ILDR1: variants seen among roughly 807,000 people sequenced by gnomAD.
ILDR1 encodes the protein immunoglobulin like domain containing receptor 1.
In ILDR1, 56 loss-of-function variants were observed where a neutral mutation model predicts 62.4. The observed-to-expected ratio is 0.90, with a 90% CI of 0.72 to 1.12. The LOEUF is 1.12. ILDR1 is among the 50% of genes most tolerant of loss of function. The probability of loss-of-function intolerance (pLI) is 0.00; values close to 1 mark genes in which losing one functional copy is unlikely to be tolerated. For missense variants in ILDR1, 736 were observed against 710.6 expected (o/e 1.04, Z -0.41); for synonymous variants, 284 against 277.8 (o/e 1.02, Z -0.22).
chr3:122,041,084 G>A, the ILDR1 span, among the ~76,000 whole-genome samples: 1 of 152,152 alleles, frequency 6.6e-6, no homozygotes, highest in Admixed American at 6.5e-5. Flanking sequence ...ATGAACCACT[G>A]ATTTAAAATG....
intron 5 of ILDR1, among the ~76,000 whole-genome samples, chr3:121,999,559 G>A (rs1200587564): frequency 6.6e-6 from 1 of 152,206 alleles, no homozygotes; most frequent in East Asian, 1.9e-4. Context: ...TTGAAAGCAA[G>A]ATCATCTGCT....
rs778078949 is a variant in ILDR1, at chr3:121,993,770, G to A, written c.979C>T (p.Arg327Cys). The change falls in exon 7 of 8, where the codon CGC becomes TGC. Residue 327 changes from arginine (R) to cysteine (C), a missense_variant. Coordinates refer to ENST00000344209, the MANE Select transcript of ILDR1 (RefSeq NM_001199799.2). ...LSSLGSEVVE[R>C]RIIHLPPLIR... ...AGTGGGGGCAGGTGGATGATTCTGCGTTCCACGACCTCAGAGCCCAGGGAG... is the reference window on the plus strand; with the variant it reads ...AGTGGGGGCAGGTGGATGATTCTGCATTCCACGACCTCAGAGCCCAGGGAG... 170 of 1,614,046 alleles carry A rather than the reference G, an allele frequency of 1.1e-4. No homozygotes were observed. The highest frequency in any genetic ancestry group is 1.4e-4 in the Non-Finnish European group (164 of 1,180,028).
the ILDR1 span, among the ~76,000 whole-genome samples, chr3:122,051,507 T>G: frequency 6.6e-6 from 1 of 152,190 alleles, no homozygotes; most frequent in East Asian, 1.9e-4. Flanking sequence ...CTATCCTTAT[T>G]GAATTTCTCA....
chr3:122,001,842 T>G lies in ILDR1; in HGVS notation c.402A>C (p.Glu134Asp). The change falls in exon 4 of 8, where the codon GAA (glutamate) becomes GAC (aspartate). Residue 134 changes from glutamate to aspartate, a missense_variant. Coordinates refer to ENST00000344209, the MANE Select transcript of ILDR1 (RefSeq NM_001199799.2). Reference sequence around the variant, plus strand: ...ACACTCCATGGTCCCACCACATCACTTCATTTATCACGAGATCTGCTCCTA... The same window carrying G: ...ACACTCCATGGTCCCACCACATCACGTCATTTATCACGAGATCTGCTCCTA... ...IQNRADLVIN[E>D]VMWWDHGVYY... The G allele has an allele frequency of 6.2e-7, 1 of 1,613,484 alleles. No homozygotes were observed.
the ILDR1 span, among the ~76,000 whole-genome samples, chr3:122,039,209 T>G: frequency 6.6e-6 from 1 of 151,944 alleles, no homozygotes; most frequent in African/African-American, 2.4e-5. Flanking sequence ...ACCAAGAATT[T>G]GCTAAAATTA....
chr3:122,017,924 A>C (rs1041115023), intron 1 of ILDR1, among the ~76,000 whole-genome samples: 1 of 152,192 alleles, frequency 6.6e-6, no homozygotes, highest in African/African-American at 2.4e-5. Context: ...AAAAATAGGA[A>C]CGCTTTTACA....
chr3:122,010,828 T>G (rs1395004480), intron 1 of ILDR1, among the ~76,000 whole-genome samples: 1 of 152,220 alleles, frequency 6.6e-6, no homozygotes, highest in Non-Finnish European at 1.5e-5. Flanking sequence ...AATAAAATCT[T>G]AGGTTCAACA....
chr3:122,051,954 A>G, the ILDR1 span, among the ~76,000 whole-genome samples: 2 of 151,842 alleles, frequency 1.3e-5, no homozygotes, highest in African/African-American at 2.4e-5. Context: ...TCTGTTGTCT[A>G]TCTTCTATAG....
the ILDR1 span, among the ~76,000 whole-genome samples, chr3:122,049,255 C>G: frequency 6.6e-6 from 1 of 152,064 alleles, no homozygotes; most frequent in East Asian, 1.9e-4. Flanking sequence ...GGTATTATTT[C>G]AATCTTAAAT....
intron 1 of ILDR1, among the ~76,000 whole-genome samples, chr3:122,012,153 C>G (rs2071713520): frequency 6.6e-6 from 1 of 152,134 alleles, no homozygotes; most frequent in Admixed American, 6.5e-5. Context: ...TAAACCTAAC[C>G]ACACTGGGCA....
In ILDR1 at chr3:121,993,175, T is replaced by C. The variant is rs1559869752; in HGVS notation, c.1574A>G (p.Lys525Arg). The C allele has an allele frequency of 1.2e-6, 2 of 1,609,246 alleles. No individual in the cohort carries two copies. The highest frequency in any genetic ancestry group is 1.7e-6 in the Non-Finnish European group (2 of 1,177,860). ...CGAGCGCCTCTCCACACTCCCTTTT[T>C]TCCTGCTATTCTTGCCTGGAGTGAT... Reference protein sequence around the residue: ...LDITPGKNSRKKGSVERRSEK... With the variant: ...LDITPGKNSRRKGSVERRSEK... The change falls in exon 7 of 8, where the codon AAA (lysine) becomes AGA (arginine). Residue 525 changes from lysine to arginine, a missense_variant. Transcript: ENST00000344209.
At chr3:122,049,447 G>A in the ILDR1 span, among the ~76,000 whole-genome samples, 5 of 152,286 alleles carry the variant, frequency 3.3e-5, no homozygotes, top group South Asian at 8.3e-4. Context: ...TTGTCTAGAT[G>A]TTCTAACCTT....
At chr3:122,035,004 G>A in the ILDR1 span, among the ~76,000 whole-genome samples, 1 of 152,188 alleles carries the variant, frequency 6.6e-6, no homozygotes, top group Admixed American at 6.5e-5. Context: ...ATTTTGGTAG[G>A]GACACAGCCA....
At chr3:122,007,218 A>G (rs1337069945) in intron 1 of ILDR1, 57 bp from the exon 2 acceptor site, 2 of 1,612,426 alleles carry the variant, frequency 1.2e-6, no homozygotes, top group African/African-American at 1.3e-5. Context: ...CATGGGTAAG[A>G]AAAACAATGC....
At chr3:122,038,990 G>A in the ILDR1 span, among the ~76,000 whole-genome samples, 1 of 151,702 alleles carries the variant, frequency 6.6e-6, no homozygotes, top group African/African-American at 2.4e-5. Context: ...ATAAAATTTT[G>A]AAAAAATTTT....
At position 121,993,334 on chromosome 3, in the gene ILDR1, A is replaced by G. The variant is rs2071381629; in HGVS notation, c.1415T>C (p.Leu472Ser). Residue 472 changes from leucine to serine, a missense_variant, in exon 7 of 8, where the codon TTG (leucine) becomes TCG (serine). Physicochemically the swap from Leu to Ser is moderately radical, Grantham distance 145. Coordinates refer to ENST00000344209, the MANE Select transcript of ILDR1 (RefSeq NM_001199799.2). ...GCTCCAGGAACTGAGGCCGGAGGGC[A>G]AGGGAGGAGAGTAGCTGCGGTGCCT... ...RRRHRSYSPP[L>S]PSGLSSWSSE... 1.2e-6 allele frequency: 2 copies of G among 1,610,852 alleles called. No homozygotes were observed. The highest frequency in any genetic ancestry group is 2.7e-5 in the African/African-American group (2 of 74,996).
rs3915061 is a variant in ILDR1, at chr3:121,993,958, G to C, written c.791C>G (p.Pro264Arg). The C allele has an allele frequency of 0.28, 451,660 of 1,609,260 alleles. 67,047 individuals are homozygous for C. The highest frequency in any genetic ancestry group is 0.48 in the South Asian group (43,478 of 91,040). Residue 264 changes from proline to arginine, a missense_variant, in exon 7 of 8, where the codon CCG (proline) becomes CGG (arginine). Physicochemically the swap from Pro to Arg is moderately radical, Grantham distance 103 (BLOSUM62 -2). Transcript: ENST00000344209. ...CATTGGCATCTGCGGGAGGCTGGAC[G>C]GCAGGGACAAATCTGAATGGAAACA... ...HPLLQRDLSL[P>R]SSLPQMPMTQ... is the part of the protein sequence containing the mutation.
At chr3:122,048,001 T>A in the ILDR1 span, among the ~76,000 whole-genome samples, 2 of 152,256 alleles carry the variant, frequency 1.3e-5, no homozygotes, top group Admixed American at 1.3e-4. Flanking sequence ...TGAATAGAAG[T>A]GATGAAGTAG....
chr3:121,992,139 A>G (rs1986712), intron 7 of ILDR1, among the ~76,000 whole-genome samples: 31,430 of 152,084 alleles, frequency 0.21, 4,273 homozygotes, highest in Admixed American at 0.36. Flanking sequence ...TGTATTAATT[A>G]TAAATTTTTT....
Sources: gnomAD v4.1 joint callset for allele counts (sites outside exome capture counted in the v4.1 genomes callset) on GRCh38, gnomAD v4.1.1 for gene constraint, MANE v1.5 for transcripts, NCBI Gene and HGNC (gene_info 2026-07-23, HGNC 2026-07-21) for gene names.